Variants in CAMK1D observed in about 807,000 individuals in gnomAD.
CAMK1D encodes calcium/calmodulin dependent protein kinase ID, also known as calcium/calmodulin-dependent protein kinase type 1D.
In CAMK1D, 9 loss-of-function variants were observed where a neutral mutation model predicts 47.7. That is an observed-to-expected ratio of 0.19 (90% CI 0.11 to 0.33). The LOEUF is 0.33. CAMK1D is among the 10% of genes least tolerant of loss of function. The probability of loss-of-function intolerance (pLI) is 1.00; values close to 1 mark genes in which losing one functional copy is unlikely to be tolerated. For missense variants in CAMK1D, 291 were observed against 488.7 expected, an observed-to-expected ratio of 0.60 and a Z score of 3.81; for synonymous variants, 184 against 184.9, an observed-to-expected ratio of 0.99 and a Z score of 0.04.
At chr10:12,799,040 G>A (rs916636010) in intron 6 of CAMK1D, among the ~76,000 whole-genome samples, 5 of 152,190 alleles carry the variant, frequency 3.3e-5, no homozygotes, top group African/African-American at 9.7e-5. Flanking sequence ...CATTTGTGAC[G>A]AAGAGAGTAG....
At chr10:12,426,272 G>A (rs1840225844) in intron 1 of CAMK1D, among the ~76,000 whole-genome samples, 1 of 152,184 alleles carries the variant, frequency 6.6e-6, no homozygotes, top group East Asian at 1.9e-4. Context: ...TTGAGATGGA[G>A]TTTTTCTCTT....
chr10:12,443,381 G>A (rs1832839035), intron 1 of CAMK1D, among the ~76,000 whole-genome samples: 1 of 152,062 alleles, frequency 6.6e-6, no homozygotes, highest in African/African-American at 2.4e-5. Flanking sequence ...ATAGAAGCTT[G>A]TAGTTGCAAT....
intron 2 of CAMK1D, among the ~76,000 whole-genome samples, chr10:12,596,551 C>T (rs1413142455): frequency 6.6e-6 from 1 of 152,148 alleles, no homozygotes; most frequent in African/African-American, 2.4e-5. Context: ...TTTTAACACT[C>T]CAAATCTCTT....
intron 1 of CAMK1D, among the ~76,000 whole-genome samples, chr10:12,534,184 ATC>A (rs1564396427): frequency 6.6e-6 from 1 of 150,692 alleles, no homozygotes; most frequent in Non-Finnish European, 1.5e-5. Context: ...CTATCTATCT[ATC>A]TGTCTATCTA....
chr10:12,785,701 C>T (rs865842951), intron 5 of CAMK1D, among the ~76,000 whole-genome samples: 47 of 152,272 alleles, frequency 3.1e-4, no homozygotes, highest in African/African-American at 8.7e-4. Context: ...CCTTGCCACG[C>T]GTCATAAAAC....
At chr10:12,759,220 G>A (rs1257372762) in intron 3 of CAMK1D, among the ~76,000 whole-genome samples, 2 of 152,186 alleles carry the variant, frequency 1.3e-5, no homozygotes. Context: ...GTGGTGGCAC[G>A]TACCTGTGGT....
chr10:12,435,831 C>T (rs79481236), intron 1 of CAMK1D, among the ~76,000 whole-genome samples: 5 of 152,176 alleles, frequency 3.3e-5, no homozygotes, highest in South Asian at 2.1e-4. Flanking sequence ...GTCTTGTATT[C>T]GTGCTGCCTC....
At chr10:12,646,158 A>G (rs1839805598) in intron 2 of CAMK1D, among the ~76,000 whole-genome samples, 1 of 152,206 alleles carries the variant, frequency 6.6e-6, no homozygotes, top group Admixed American at 6.5e-5. Context: ...GAAGCAAAAT[A>G]TTCTTGTAAT....
rs111662084 is a variant in CAMK1D at position 12,504,225 on chromosome 10, T to TACACACACACACACACACACAC, written c.93-48996_93-48975dup. Among the ~76,000 whole-genome samples the TACACACACACACACACACACAC allele has an allele frequency of 2.7e-3, 397 of 147,678 alleles. 1 individual carries two copies. The highest frequency in any genetic ancestry group is 9.7e-3 in the African/African-American group (381 of 39,472). Reference sequence around the variant, plus strand: ...ACAAATATGTTCCAAATACACATTTTACACACACACACACACACACACACA... The same window carrying TACACACACACACACACACACAC: ...ACAAATATGTTCCAAATACACATTTTACACACACACACACACACACACACACACACACACACACACACACACA... On this transcript the variant is annotated intron_variant, in intron 1 of 10. Transcript: ENST00000619168.
intron 6 of CAMK1D, among the ~76,000 whole-genome samples, chr10:12,813,988 T>C (rs12247540): frequency 0.21 from 30,498 of 148,458 alleles, 7,281 homozygotes; most frequent in African/African-American, 0.57. Context: ...GAGGTTTTGC[T>C]ATGTTGGCCA....
chr10:12,398,441 G>A (rs1391698455), intron 1 of CAMK1D, among the ~76,000 whole-genome samples: 4 of 152,202 alleles, frequency 2.6e-5, no homozygotes, highest in Admixed American at 2.0e-4. Context: ...CGCTGCCTCC[G>A]GAGTTCGAGT....
At position 12,553,125 on chromosome 10, in the gene CAMK1D, G is replaced by A. The variant is rs1429710943; in HGVS notation, c.93-100G>A. The A allele has an allele frequency of 1.7e-5, 27 of 1,585,830 alleles. No individual in the cohort carries two copies. The South Asian group carries it at 2.2e-4, about 13-fold the overall frequency. On this transcript the variant is annotated intron_variant, in intron 1 of 10. Transcript: ENST00000619168. The stretch of plus-strand genomic sequence containing the variant: ...TAACAGTAATGCTTACAACTGTGCC[G>A]TCGTTATTGTTTACTCAAACTTCGG...
chr10:12,474,655 A>G (rs1278803058), intron 1 of CAMK1D, among the ~76,000 whole-genome samples: 1 of 151,950 alleles, frequency 6.6e-6, no homozygotes, highest in East Asian at 1.9e-4. Flanking sequence ...AGGTAAACTC[A>G]TATCATGGGG....
chr10:12,710,878 A>G (rs1214448547), intron 3 of CAMK1D, among the ~76,000 whole-genome samples: 2 of 152,170 alleles, frequency 1.3e-5, no homozygotes, highest in Admixed American at 6.5e-5. Flanking sequence ...AAGTTATCCA[A>G]ATGTCTGTTG....
At chr10:12,645,629 TA>T (rs2132497274) in intron 2 of CAMK1D, among the ~76,000 whole-genome samples, 1 of 152,322 alleles carries the variant, frequency 6.6e-6, no homozygotes, top group Non-Finnish European at 1.5e-5. Flanking sequence ...CTTTCTTGTT[TA>T]AGGCTGGCAC....
chr10:12,401,189 ATATTT>A (rs1839189650), intron 1 of CAMK1D, among the ~76,000 whole-genome samples: 1 of 49,766 alleles, frequency 2.0e-5, no homozygotes, highest in Non-Finnish European at 3.4e-5. Flanking sequence ...TATTATATAT[ATATTT>A]TATATATATA....
At chr10:12,718,814 AT>A (rs1834256259) in intron 3 of CAMK1D, among the ~76,000 whole-genome samples, 1 of 151,572 alleles carries the variant, frequency 6.6e-6, no homozygotes, top group South Asian at 2.1e-4. Flanking sequence ...TCTACTAACC[AT>A]TTTCTACTGA....
chr10:12,508,965 C>A (rs2132159246), intron 1 of CAMK1D, among the ~76,000 whole-genome samples: 1 of 152,316 alleles, frequency 6.6e-6, no homozygotes, highest in South Asian at 2.1e-4. Flanking sequence ...TTGTCCTGTT[C>A]ATTGATGGAA....
intron 2 of CAMK1D, among the ~76,000 whole-genome samples, chr10:12,587,567 C>T (rs1245496433): frequency 6.8e-6 from 1 of 146,090 alleles, no homozygotes; most frequent in East Asian, 2.0e-4. Context: ...AAAAAAAAGT[C>T]TCCCCAGGTG....
Sources: gnomAD v4.1 joint callset for allele counts (sites outside exome capture counted in the v4.1 genomes callset) on GRCh38, gnomAD v4.1.1 for gene constraint, MANE v1.5 for transcripts, NCBI Gene and HGNC (gene_info 2026-07-23, HGNC 2026-07-21) for gene names.